TPPP: variants seen among roughly 807,000 people sequenced by gnomAD.
TPPP encodes the protein tubulin polymerization-promoting protein.
A neutral mutation model predicts 15.5 loss-of-function variants in TPPP; 6 were observed. The ratio of observed to expected loss-of-function variants is 0.39; its 90% CI spans 0.21 to 0.77. TPPP has a LOEUF of 0.77. Among genes scored for constraint, TPPP ranks in the 30% least tolerant of loss-of-function variants. The pLI is 0.42. For synonymous variants in TPPP, 146 were observed against 133.9 expected (o/e 1.09, Z -0.63); for missense variants, 269 against 307.2 (o/e 0.88, Z 0.93).
chr5:666,260 C>G (rs1474349025), intron 2 of TPPP, 137 bp from the exon 3 acceptor site: 3 of 938,116 alleles, frequency 3.2e-6, no homozygotes, highest in Non-Finnish European at 4.7e-6. Flanking sequence ...GCCCTGGTAG[C>G]ACTGCAAATC....
upstream of TPPP, among the ~76,000 whole-genome samples, chr5:693,971 C>G (rs1212788297): frequency 1.4e-5 from 2 of 146,920 alleles, no homozygotes; most frequent in Non-Finnish European, 3.0e-5. Flanking sequence ...GAGACGGGTC[C>G]GTGCCGGGCG....
chr5:696,966 CTG>C (rs143162255), upstream of TPPP, among the ~76,000 whole-genome samples: 34 of 146,586 alleles, frequency 2.3e-4, no homozygotes, highest in Admixed American at 7.6e-4. Context: ...GTGCCTGTGT[CTG>C]TGTGTTTGCA....
chr5:686,226 C>T (rs1200462690), intron 1 of TPPP, among the ~76,000 whole-genome samples: 3 of 152,248 alleles, frequency 2.0e-5, no homozygotes, highest in African/African-American at 2.4e-5. Context: ...TCAACCATGT[C>T]GGAGACTCGG....
upstream of TPPP, chr5:693,460 C>T (rs1740951955): frequency 6.8e-6 from 1 of 147,212 alleles, no homozygotes; most frequent in Admixed American, 6.8e-5. Context: ...GCCCAGCGTC[C>T]CGCCCCGCGC....
At chr5:688,540 A>C (rs1451902595) in intron 1 of TPPP, among the ~76,000 whole-genome samples, 1 of 152,124 alleles carries the variant, frequency 6.6e-6, no homozygotes, top group African/African-American at 2.4e-5. Context: ...ACCCCATCCC[A>C]CTCCCGGAAC....
upstream of TPPP, among the ~76,000 whole-genome samples, chr5:693,695 T>C (rs1740961668): frequency 2.0e-5 from 3 of 151,114 alleles, no homozygotes; most frequent in South Asian, 4.2e-4. Flanking sequence ...GACCCCGATC[T>C]CTCCGCCCCG....
At chr5:692,651 C>G (rs978041148) in intron 1 of TPPP, 2 of 983,258 alleles carry the variant, frequency 2.0e-6, no homozygotes, top group Admixed American at 6.2e-5. Context: ...GGAAGGTGTC[C>G]CGGCAGCGCC....
At chr5:676,825 T>C (rs528409687) in intron 2 of TPPP, among the ~76,000 whole-genome samples, 2 of 99,980 alleles carry the variant, frequency 2.0e-5, no homozygotes, top group South Asian at 2.7e-4. Flanking sequence ...CATGCACACA[T>C]GCGCACACGT....
rs1262021594 is a variant in TPPP, at chr5:664,367, A to ATT, written c.*734_*735insAA. 2 of 152,398 alleles carry ATT rather than the reference A, an allele frequency of 1.3e-5. No individual in the cohort carries two copies. Among genetic ancestry groups the ATT allele is most frequent in the African/African-American group, 4.8e-5 (2 of 41,468 alleles). The allele number at this position is 152,398 out of a possible 1,614,324, so 9.4% of individuals were successfully genotyped here. A position where few individuals can be genotyped will look rare whatever the true frequency, so the allele number is the denominator to read the frequency against. ...AGCCACCGCATCTTCTCAGGAAAGC[A>ATT]AAGCGAGCCTACTCTACCCTCACAG... is the stretch of plus-strand genomic sequence containing the variant. On this transcript the variant is annotated 3_prime_UTR_variant, in exon 4 of 4. Transcript: ENST00000360578.
At chr5:670,081 C>T (rs902870949) in intron 2 of TPPP, among the ~76,000 whole-genome samples, 1 of 81,230 alleles carries the variant, frequency 1.2e-5, no homozygotes, top group Non-Finnish European at 3.6e-5. Flanking sequence ...GGCTCTGAGT[C>T]CCCTGGCCTC....
At chr5:665,928 C>G in intron 3 of TPPP, 42 bp downstream of exon 3, 9 of 780,354 alleles carry the variant, frequency 1.2e-5, no homozygotes, top group Non-Finnish European at 1.4e-5. Flanking sequence ...GGCCCCGCCC[C>G]CACCCCCTCC....
chr5:693,448 CCG>C (rs1405812527), upstream of TPPP: 2 of 147,948 alleles, frequency 1.4e-5, no homozygotes, highest in Admixed American at 1.4e-4. Context: ...CGTCCGGCGC[CCG>C]CCCAGCGTCC....
chr5:660,162 G>C lies in TPPP; in HGVS notation c.*4940C>G, dbSNP rs937607225. On this transcript the variant is annotated 3_prime_UTR_variant, in exon 4 of 4. Coordinates refer to ENST00000360578, the MANE Select transcript of TPPP (RefSeq NM_007030.3). ...TCACACTGATAAAGTGATGCACTCA[G>C]TACTCCCTAATGTTAATCACACAGT... The C allele has an allele frequency of 6.6e-6, 1 of 151,520 alleles. No homozygotes were observed. Among genetic ancestry groups the C allele is most frequent in the South Asian group, 2.1e-4 (1 of 4,818 alleles). The allele number at this position is 151,520 out of a possible 1,614,324, so 9.4% of individuals were successfully genotyped here. A position where few individuals can be genotyped will look rare whatever the true frequency, so the allele number is the denominator to read the frequency against.
intron 1 of TPPP, among the ~76,000 whole-genome samples, chr5:680,963 T>C (rs920146553): frequency 2.6e-5 from 4 of 152,308 alleles, no homozygotes; most frequent in Middle Eastern, 3.4e-3. Context: ...GTGGAGGAGA[T>C]GGGAGCCACA....
chr5:694,569 CA>C (rs1740985337), upstream of TPPP, among the ~76,000 whole-genome samples: 1 of 100,138 alleles, frequency 1.0e-5, no homozygotes, highest in African/African-American at 3.0e-5. Context: ...TCCCGCGCCC[CA>C]CACTTCCTCT....
intron 1 of TPPP, among the ~76,000 whole-genome samples, chr5:684,947 C>T (rs1740727468): frequency 6.6e-6 from 1 of 152,248 alleles, no homozygotes; most frequent in African/African-American, 2.4e-5. Flanking sequence ...ATCCCCACGG[C>T]ACACTCGGGA....
chr5:697,493 G>A (rs1305959030), upstream of TPPP, among the ~76,000 whole-genome samples: 15 of 152,058 alleles, frequency 9.9e-5, no homozygotes, highest in Non-Finnish European at 1.6e-4. Context: ...GTTGCAGAGC[G>A]GAGGGCCGCA....
chr5:693,687 C>T (rs1182450842), upstream of TPPP, among the ~76,000 whole-genome samples: 1 of 151,482 alleles, frequency 6.6e-6, no homozygotes, highest in East Asian at 1.9e-4. Flanking sequence ...GACGACCGGA[C>T]CCCGATCTCT....
intron 2 of TPPP, among the ~76,000 whole-genome samples, chr5:671,502 G>T (rs1740223149): frequency 6.6e-6 from 1 of 152,238 alleles, no homozygotes; most frequent in African/African-American, 2.4e-5. Flanking sequence ...GACCTGTGTT[G>T]CCTGGTCAGG....
Sources: allele counts gnomAD v4.1 joint callset (sites outside exome capture counted in the v4.1 genomes callset), GRCh38; gene constraint gnomAD v4.1.1; transcripts MANE v1.5; gene names NCBI Gene and HGNC (gene_info 2026-07-23, HGNC 2026-07-21).